BCAR3: variants seen among roughly 807,000 people sequenced by gnomAD.
The protein encoded by BCAR3 is breast cancer anti-estrogen resistance protein 3.
A neutral mutation model predicts 80.1 loss-of-function variants in BCAR3; 37 were observed. The observed-to-expected ratio is 0.46, with a 90% confidence interval of 0.36 to 0.61. The LOEUF is 0.61. Among genes scored for constraint, BCAR3 ranks in the 20% least tolerant of loss-of-function variants. The pLI is 0.00. For missense variants in BCAR3, 978 were observed against 1,068.2 expected, an observed-to-expected ratio of 0.92 and a Z score of 1.18; for synonymous variants, 389 against 418.9, an observed-to-expected ratio of 0.93 and a Z score of 0.87.
intron 2 of BCAR3, among the ~76,000 whole-genome samples, chr1:93,798,494 T>C (rs1379648062): frequency 2.6e-5 from 4 of 152,202 alleles, no homozygotes; most frequent in Non-Finnish European, 5.9e-5. Context: ...TTGAGAGCCA[T>C]GTTTAATAGG....
At chr1:93,719,490 A>G (rs1167435507) in intron 2 of BCAR3, among the ~76,000 whole-genome samples, 4 of 151,416 alleles carry the variant, frequency 2.6e-5, no homozygotes, top group African/African-American at 9.7e-5. Context: ...ACAGGCGCCC[A>G]CCACCACGCC....
chr1:93,581,931 G>T (rs908139029), intron 7 of BCAR3, among the ~76,000 whole-genome samples: 1 of 152,196 alleles, frequency 6.6e-6, no homozygotes, highest in South Asian at 2.1e-4. Context: ...AGGCAAGGGG[G>T]TAGTTTATAA....
At position 93,832,244 on chromosome 1, in the gene BCAR3, A is replaced by G. The variant is rs147229221; in HGVS notation, c.-63+13323T>C. ...TTGCCTACACTGTGAGACAAACCCC[A>G]GCCACATCTCCAGCACACAAGAACT... On this transcript the variant is annotated intron_variant, in intron 2 of 13. Coordinates refer to the BCAR3 transcript ENST00000370244. Among the ~76,000 whole-genome samples, 1,377 of 152,334 alleles carry G rather than the reference A, an allele frequency of 9.0e-3. 26 individuals carry two copies. Among genetic ancestry groups the G allele is most frequent in the African/African-American group, 0.031 (1,281 of 41,572 alleles).
chr1:93,669,834 G>C (rs569424599), intron 2 of BCAR3, among the ~76,000 whole-genome samples: 1 of 152,300 alleles, frequency 6.6e-6, no homozygotes, highest in African/African-American at 2.4e-5. Context: ...AAGTGACTCA[G>C]GAATGGAAAA....
intron 7 of BCAR3, among the ~76,000 whole-genome samples, chr1:93,578,910 T>C (rs1673579908): frequency 6.6e-6 from 1 of 152,204 alleles, no homozygotes; most frequent in South Asian, 2.1e-4. Flanking sequence ...GCTGACCACC[T>C]GGGTAGCTGT....
At chr1:93,846,897 G>A (rs1274893839) in intron 1 of BCAR3, 12 of 459,194 alleles carry the variant, frequency 2.6e-5, no homozygotes, top group Middle Eastern at 3.3e-4. Context: ...GGGTCTGTGG[G>A]GAGCGAAATG....
chr1:93,734,649 G>A (rs1013653013), intron 2 of BCAR3, among the ~76,000 whole-genome samples: 13 of 152,140 alleles, frequency 8.5e-5, no homozygotes, highest in Non-Finnish European at 1.5e-4. Context: ...ACTTCCAGGC[G>A]GGGAGGGCCC....
At chr1:93,647,378 G>T (rs1557638715) in intron 2 of BCAR3, among the ~76,000 whole-genome samples, 1 of 152,058 alleles carries the variant, frequency 6.6e-6, no homozygotes, top group Non-Finnish European at 1.5e-5. Context: ...AATGTTCTAG[G>T]GGTAAAAAAG....
intron 11 of BCAR3, among the ~76,000 whole-genome samples, chr1:93,566,473 T>C: frequency 6.6e-6 from 1 of 152,084 alleles, no homozygotes; most frequent in East Asian, 1.9e-4. Flanking sequence ...GCATGCCACA[T>C]GTGTGATAAA....
rs116980038 is a variant in BCAR3, at chr1:93,747,091, C to T, written c.-62-40949G>A. Among the ~76,000 whole-genome samples, 54 of 152,328 alleles carry T rather than the reference C, an allele frequency of 3.5e-4. 1 individual carries two copies. In the East Asian group the frequency reaches 0.01, roughly 28 times the overall value. On this transcript the variant is annotated intron_variant, in intron 2 of 13. Transcript: ENST00000370244. ...TTTATCACTCTTTATGGCTGAGCAG[C>T]CCCTCTAAACAGGTTTCTTCTTTGA... is the stretch of plus-strand genomic sequence containing the variant.
At chr1:93,815,098 A>G (rs950594502) in intron 2 of BCAR3, among the ~76,000 whole-genome samples, 1 of 152,204 alleles carries the variant, frequency 6.6e-6, no homozygotes, top group Non-Finnish European at 1.5e-5. Context: ...TTTATTGGGT[A>G]AAGGAAACAA....
chr1:93,766,628 C>A (rs1234586365), intron 2 of BCAR3, among the ~76,000 whole-genome samples: 1 of 152,262 alleles, frequency 6.6e-6, no homozygotes, highest in Non-Finnish European at 1.5e-5. Context: ...CGTCCACATT[C>A]CTGATGCCTT....
intron 2 of BCAR3, among the ~76,000 whole-genome samples, chr1:93,817,881 T>A: frequency 6.6e-6 from 1 of 150,382 alleles, no homozygotes; most frequent in South Asian, 2.2e-4. Context: ...TTTCCCACCC[T>A]CCCAGTTCAC....
chr1:93,806,811 T>C (rs1158720427), intron 2 of BCAR3, among the ~76,000 whole-genome samples: 4 of 152,108 alleles, frequency 2.6e-5, no homozygotes, highest in Admixed American at 6.6e-5. Flanking sequence ...TGAACCTCAA[T>C]AGAAGTTATA....
chr1:93,814,894 G>A (rs971888412), intron 2 of BCAR3, among the ~76,000 whole-genome samples: 1 of 152,180 alleles, frequency 6.6e-6, no homozygotes. Context: ...TGCAAACTCC[G>A]CTCCTACCTA....
intron 2 of BCAR3, among the ~76,000 whole-genome samples, chr1:93,823,923 C>T (rs112911210): frequency 0.13 from 17,581 of 132,852 alleles, 4,201 homozygotes; most frequent in East Asian, 0.38. Context: ...TGGTCTCAAT[C>T]TCCTGACCTC....
At chr1:93,698,993 G>A (rs1006404099) in intron 3 of BCAR3, among the ~76,000 whole-genome samples, 5 of 152,192 alleles carry the variant, frequency 3.3e-5, no homozygotes, top group Non-Finnish European at 5.9e-5. Flanking sequence ...GGCAAGTGGA[G>A]CACCCTCTTA....
intron 2 of BCAR3, among the ~76,000 whole-genome samples, chr1:93,769,787 A>T (rs1425513966): frequency 6.6e-6 from 1 of 152,152 alleles, no homozygotes; most frequent in Non-Finnish European, 1.5e-5. Flanking sequence ...ATACTCCATC[A>T]ATGTGGAGAA....
intron 2 of BCAR3, among the ~76,000 whole-genome samples, chr1:93,661,009 T>C (rs757174178): frequency 6.6e-6 from 1 of 152,178 alleles, no homozygotes; most frequent in African/African-American, 2.4e-5. Context: ...CCCAAATAGC[T>C]GGGATTACAG....
Sources: allele counts gnomAD v4.1 joint callset (sites outside exome capture counted in the v4.1 genomes callset), GRCh38; gene constraint gnomAD v4.1.1; transcripts MANE v1.5; gene names NCBI Gene and HGNC (gene_info 2026-07-23, HGNC 2026-07-21).